SCN11A: variants seen among roughly 807,000 people sequenced by gnomAD.
SCN11A encodes the protein sodium voltage-gated channel alpha subunit 11.
Under a neutral mutation model 162.2 loss-of-function variants are expected in SCN11A, and 122 were observed. The ratio of observed to expected loss-of-function variants is 0.75; its 90% CI spans 0.65 to 0.87. SCN11A has a LOEUF of 0.87. Ranked by LOEUF, SCN11A falls within the 40% of genes least tolerant of loss-of-function variation. SCN11A has a pLI of 0.00. For synonymous variants in SCN11A, 758 were observed against 751.5 expected, an observed-to-expected ratio of 1.01 and a Z score of -0.14; for missense variants, 2,015 against 2,181.6, an observed-to-expected ratio of 0.92 and a Z score of 1.52.
Position 38,881,839 on chromosome 3 carries a change from C to T in SCN11A, c.3219+1394G>A, listed in dbSNP as rs543422914. On this transcript the variant is annotated intron_variant, in intron 22 of 29. Coordinates refer to ENST00000302328, the MANE Select transcript of SCN11A (RefSeq NM_001349253.2). The stretch of plus-strand genomic sequence containing the variant: ...TTTGCTCTGCCCAGCCTACACCTGC[C>T]TTTCCGAAGGCAGATAAGAACTGGA... Among the ~76,000 whole-genome samples, 5 of 152,180 alleles carry T rather than the reference C, an allele frequency of 3.3e-5. No homozygotes were observed. In the South Asian group the frequency reaches 6.2e-4, roughly 19 times the overall value.
chr3:38,944,114 T>C (rs2066480635), intron 7 of SCN11A, among the ~76,000 whole-genome samples: 5 of 152,166 alleles, frequency 3.3e-5, no homozygotes. Flanking sequence ...TCAATTAAAA[T>C]TGTTTTAAGT....
At chr3:38,973,649 T>G (rs1255303337) in intron 2 of SCN11A, among the ~76,000 whole-genome samples, 2 of 152,196 alleles carry the variant, frequency 1.3e-5, no homozygotes, top group African/African-American at 2.4e-5. Context: ...GCTCTGATGA[T>G]TTAAGCACTC....
chr3:39,003,818 CAT>C (rs1280156928), intron 2 of SCN11A, among the ~76,000 whole-genome samples: 1 of 152,130 alleles, frequency 6.6e-6, no homozygotes, highest in East Asian at 1.9e-4. Flanking sequence ...GTTGGCCGCA[CAT>C]ATGTCTTCTT....
chr3:38,964,297 A>C (rs1423824536), intron 2 of SCN11A, among the ~76,000 whole-genome samples: 2 of 152,202 alleles, frequency 1.3e-5, no homozygotes, highest in African/African-American at 2.4e-5. Context: ...ATCAGTGGCC[A>C]GGTAAGGTGC....
chr3:38,952,237 G>A (rs2066631859), intron 4 of SCN11A, among the ~76,000 whole-genome samples: 1 of 152,046 alleles, frequency 6.6e-6, no homozygotes, highest in African/African-American at 2.4e-5. Flanking sequence ...AAAGCAGAAA[G>A]GGTTTGTTAA....
rs76240423 is a variant in SCN11A, at chr3:38,861,367, T to C, written c.4056+1828A>G. On this transcript the variant is annotated intron_variant, in intron 28 of 29. Coordinates refer to ENST00000302328, the MANE Select transcript of SCN11A (RefSeq NM_001349253.2). ...AATTCCCAACAAAATACCACCGTCA[T>C]CCTTCACAGGACTAGAAAAAAAAAT... Among the ~76,000 whole-genome samples the C allele has an allele frequency of 1.7e-3, 258 of 152,138 alleles. 1 individual carries two copies. The highest frequency in any genetic ancestry group is 6.0e-3 in the African/African-American group (248 of 41,490).
intron 9 of SCN11A, among the ~76,000 whole-genome samples, chr3:38,924,227 CCTT>C (rs1011209096): frequency 1.1e-4 from 16 of 151,832 alleles, no homozygotes; most frequent in African/African-American, 3.1e-4. Context: ...CCCCTTCAGT[CCTT>C]TTTTTTTTTT....
rs182685247 is a variant in SCN11A at position 38,983,784 on chromosome 3, A to T, written c.-279-23361T>A. Among the ~76,000 whole-genome samples, 357 of 152,364 alleles carry T rather than the reference A, an allele frequency of 2.3e-3. 1 individual carries two copies. Among genetic ancestry groups the T allele is most frequent in the African/African-American group, 8.2e-3 (340 of 41,582 alleles). On this transcript the variant is annotated intron_variant, in intron 2 of 29. Transcript: ENST00000302328. Reference sequence around the variant, plus strand: ...AGAACTATCCATCTCTATTTAAAAAACAAAAAACACAAAGACCTTTTTTGC... The same window carrying T: ...AGAACTATCCATCTCTATTTAAAAATCAAAAAACACAAAGACCTTTTTTGC...
At chr3:38,945,285 C>A in intron 7 of SCN11A, 126 bp downstream of exon 7, 1 of 600,552 alleles carries the variant, frequency 1.7e-6, no homozygotes. Context: ...AAAAATAAAA[C>A]TGATTCTGCC....
chr3:38,946,648 TC>T (rs2125573904), intron 6 of SCN11A, 140 bp downstream of exon 6: 1 of 674,536 alleles, frequency 1.5e-6, no homozygotes, highest in Non-Finnish European at 2.6e-6. Context: ...TCCAGCACAG[TC>T]CCTGCCTGCA....
At chr3:38,939,762 G>A (rs182712393) in intron 7 of SCN11A, among the ~76,000 whole-genome samples, 1 of 152,212 alleles carries the variant, frequency 6.6e-6, no homozygotes, top group Admixed American at 6.5e-5. Flanking sequence ...AATTAGCCAG[G>A]TGTGGTGGCG....
intron 17 of SCN11A, 54 bp downstream of exon 17, chr3:38,899,840 G>A (rs1336511941): frequency 2.0e-5 from 30 of 1,490,504 alleles, no homozygotes; most frequent in Non-Finnish European, 2.4e-5. Context: ...CACTCAAAAC[G>A]TTTTTTCCAC....
At chr3:38,866,636 G>A (rs11915204) in intron 27 of SCN11A, among the ~76,000 whole-genome samples, 34,939 of 152,154 alleles carry the variant, frequency 0.23, 4,161 homozygotes, top group Non-Finnish European at 0.25. Flanking sequence ...AAAGTAATAC[G>A]AAGTGACTGG....
intron 2 of SCN11A, among the ~76,000 whole-genome samples, chr3:39,021,983 G>C (rs924290876): frequency 1.3e-5 from 2 of 152,044 alleles, no homozygotes; most frequent in Non-Finnish European, 1.5e-5. Flanking sequence ...TTCCCTCAGG[G>C]CTTAGCAGAA....
intron 2 of SCN11A, among the ~76,000 whole-genome samples, chr3:38,973,782 G>A (rs111540396): frequency 7.9e-5 from 12 of 152,176 alleles, no homozygotes; most frequent in African/African-American, 2.7e-4. Context: ...GCACAAGGTT[G>A]AGGCAGGACA....
intron 1 of SCN11A, among the ~76,000 whole-genome samples, chr3:39,043,944 A>G (rs1175330437): frequency 6.6e-6 from 1 of 152,190 alleles, no homozygotes; most frequent in Non-Finnish European, 1.5e-5. Context: ...TGCCTGTCCC[A>G]AAAGATCTCA....
intron 14 of SCN11A, 80 bp downstream of exon 14, chr3:38,907,869 A>G (rs1026050372): frequency 1.6e-6 from 2 of 1,220,940 alleles, no homozygotes; most frequent in Non-Finnish European, 2.3e-6. Flanking sequence ...GAATAAATGA[A>G]TTATTTCAAT....
chr3:38,942,118 CA>C (rs1206150915), intron 7 of SCN11A, among the ~76,000 whole-genome samples: 1 of 151,730 alleles, frequency 6.6e-6, no homozygotes, highest in Admixed American at 6.6e-5. Flanking sequence ...GAAGACATTC[CA>C]TAATAATAAA....
intron 2 of SCN11A, among the ~76,000 whole-genome samples, chr3:38,981,479 C>T (rs1559563442): frequency 6.6e-6 from 1 of 151,876 alleles, no homozygotes; most frequent in African/African-American, 2.4e-5. Context: ...CCAGTGCCTC[C>T]GGGGCCCATC....
Sources: gnomAD v4.1 joint callset for allele counts (sites outside exome capture counted in the v4.1 genomes callset) on GRCh38, gnomAD v4.1.1 for gene constraint, MANE v1.5 for transcripts, NCBI Gene and HGNC (gene_info 2026-07-23, HGNC 2026-07-21) for gene names.